TRPM3: variants seen among roughly 807,000 people sequenced by gnomAD.
TRPM3 encodes the protein transient receptor potential cation channel subfamily M member 3.
Under a neutral mutation model 181.2 loss-of-function variants are expected in TRPM3, and 77 were observed. The ratio of observed to expected loss-of-function variants is 0.42; its 90% confidence interval spans 0.35 to 0.51. TRPM3 has a LOEUF of 0.51. Among genes scored for constraint, TRPM3 ranks in the 20% least tolerant of loss-of-function variants. The pLI is 0.01. For synonymous variants in TRPM3, 745 were observed against 796.4 expected, an observed-to-expected ratio of 0.94 and a Z score of 1.09; for missense variants, 1,759 against 2,196.7, an observed-to-expected ratio of 0.80 and a Z score of 3.98.
chr9:70,964,463 G>A (rs2097166931), intron 1 of TRPM3, among the ~76,000 whole-genome samples: 1 of 151,988 alleles, frequency 6.6e-6, no homozygotes, highest in African/African-American at 2.4e-5. Flanking sequence ...TTTTACTTGT[G>A]GTTCCTCATT....
intron 6 of TRPM3, among the ~76,000 whole-genome samples, chr9:70,817,459 A>T (rs1463061459): frequency 1.3e-5 from 2 of 152,202 alleles, no homozygotes; most frequent in East Asian, 3.8e-4. Flanking sequence ...GTAACATATG[A>T]ATAGGAAAAA....
At chr9:71,285,852 C>T (rs1244162247) in intron 1 of TRPM3, among the ~76,000 whole-genome samples, 5 of 152,198 alleles carry the variant, frequency 3.3e-5, no homozygotes, top group South Asian at 2.1e-4. Flanking sequence ...AATCACTCTA[C>T]AGGTGCAAAT....
At chr9:70,797,250 C>A (rs2087351361) in intron 6 of TRPM3, among the ~76,000 whole-genome samples, 1 of 152,118 alleles carries the variant, frequency 6.6e-6, no homozygotes, top group Non-Finnish European at 1.5e-5. Flanking sequence ...GCAAAGTAGA[C>A]AGATGCAATT....
chr9:71,201,606 C>T (rs1261639700), intron 1 of TRPM3, among the ~76,000 whole-genome samples: 22 of 152,114 alleles, frequency 1.4e-4, no homozygotes, highest in African/African-American at 2.2e-4. Context: ...CTTCCCTTCC[C>T]GCTTCATTTC....
At chr9:70,634,575 G>T (rs1416185729) in intron 12 of TRPM3, among the ~76,000 whole-genome samples, 1 of 151,974 alleles carries the variant, frequency 6.6e-6, no homozygotes, top group Non-Finnish European at 1.5e-5. Context: ...TTTAAACCTA[G>T]CTCTTCACTA....
intron 1 of TRPM3, among the ~76,000 whole-genome samples, chr9:71,040,980 C>T (rs2058746495): frequency 6.6e-6 from 1 of 152,106 alleles, no homozygotes; most frequent in Admixed American, 6.6e-5. Flanking sequence ...CGACTGGAGG[C>T]AACATGGGAC....
intron 1 of TRPM3, among the ~76,000 whole-genome samples, chr9:71,027,133 G>A (rs986289262): frequency 3.5e-4 from 54 of 152,128 alleles, no homozygotes; most frequent in Non-Finnish European, 1.3e-4. Flanking sequence ...CTAACCTCAA[G>A]GAGCTAGATA....
intron 1 of TRPM3, among the ~76,000 whole-genome samples, chr9:71,343,454 T>G (rs955676867): frequency 6.6e-6 from 1 of 152,072 alleles, no homozygotes. Flanking sequence ...CTGGGGTTAC[T>G]TTATGTATAT....
At chr9:70,839,116 C>CT (rs2094493776) in intron 5 of TRPM3, among the ~76,000 whole-genome samples, 1 of 152,140 alleles carries the variant, frequency 6.6e-6, no homozygotes, top group African/African-American at 2.4e-5. Flanking sequence ...TGTGATGCAG[C>CT]TTGGGGGTAG....
intron 1 of TRPM3, among the ~76,000 whole-genome samples, chr9:71,015,024 C>T (rs2097773255): frequency 6.6e-6 from 1 of 151,968 alleles, no homozygotes; most frequent in South Asian, 2.1e-4. Flanking sequence ...TTTATAATGG[C>T]CTTATGCACC....
chr9:70,549,691 AAAGG>A lies in TRPM3; in HGVS notation c.3575-21_3575-18del, dbSNP rs746279966. 3.1e-5 allele frequency: 49 copies of A among 1,585,190 alleles called. No homozygotes were observed. The highest frequency in any genetic ancestry group is 5.5e-5 in the Admixed American group (3 of 54,992). On this transcript the variant is annotated intron_variant, in intron 24 of 25. Transcript: ENST00000677713. ...TGAAGAGTTCTGTGGAAAAAAAAAA[AAAGG>A]AAGTCTTGAGGGAGAGAAGTAAAAG...
At chr9:71,072,462 A>G (rs2062890648) in intron 1 of TRPM3, among the ~76,000 whole-genome samples, 2 of 152,160 alleles carry the variant, frequency 1.3e-5, no homozygotes, top group African/African-American at 4.8e-5. Flanking sequence ...AGTAAATACA[A>G]TATTAACTCA....
intron 1 of TRPM3, among the ~76,000 whole-genome samples, chr9:71,348,991 T>C (rs1565486772): frequency 6.6e-6 from 1 of 152,246 alleles, no homozygotes; most frequent in Non-Finnish European, 1.5e-5. Context: ...AGCCAACATG[T>C]GAAATCAAAA....
chr9:71,216,745 A>G (rs1210660730), intron 1 of TRPM3, among the ~76,000 whole-genome samples: 1 of 152,152 alleles, frequency 6.6e-6, no homozygotes, highest in East Asian at 1.9e-4. Flanking sequence ...CTGTATCTTA[A>G]CAGCACTAGG....
At chr9:71,404,865 G>A (rs760804417) in intron 1 of TRPM3, among the ~76,000 whole-genome samples, 3 of 152,100 alleles carry the variant, frequency 2.0e-5, no homozygotes, top group Non-Finnish European at 4.4e-5. Context: ...GTCCCTGCCT[G>A]TTATACTTCT....
At chr9:71,094,969 A>C (rs1199600318) in intron 1 of TRPM3, among the ~76,000 whole-genome samples, 1 of 152,192 alleles carries the variant, frequency 6.6e-6, no homozygotes, top group Non-Finnish European at 1.5e-5. Context: ...TTTTGAAAGC[A>C]CGCATAGCTC....
intron 9 of TRPM3, among the ~76,000 whole-genome samples, chr9:70,645,346 G>T (rs991449141): frequency 1.3e-5 from 2 of 151,534 alleles, no homozygotes; most frequent in African/African-American, 4.8e-5. Flanking sequence ...GCATGGCACT[G>T]GTACCAAAAC....
chr9:70,536,739 T>A lies in TRPM3; in HGVS notation c.4374A>T (p.Ala1458=). ...PSTAPSSSAY[A]TLAPTDRPPS... is the part of the protein sequence containing the mutation. ...GAGGTCTGTCTGTGGGTGCAAGTGT[T>A]GCATAGGCACTACTTGAAGGGGCTG... Residue 1458 remains alanine, a synonymous_variant, in exon 26 of 26, where the codon GCA becomes GCT. Transcript: ENST00000677713. The A allele has an allele frequency of 6.2e-7, 1 of 1,614,188 alleles. No individual in the cohort carries two copies. Among genetic ancestry groups the A allele is most frequent in the Non-Finnish European group, 8.5e-7 (1 of 1,180,034 alleles).
Position 71,155,271 on chromosome 9 carries a change from A to T in TRPM3, c.184-290760T>A, listed in dbSNP as rs758055926. 1.2e-3 allele frequency among the ~76,000 whole-genome samples: 177 copies of T among 152,190 alleles called. 3 individuals carry two copies. The highest frequency in any genetic ancestry group is 7.9e-4 in the Admixed American group (12 of 15,280). On this transcript the variant is annotated intron_variant, in intron 1 of 24. Coordinates refer to the TRPM3 transcript ENST00000357533. ...TCCTAACTTTATCATTAACACATTCATTCAACAGACATTTATTGAATACTT... is the reference window on the plus strand; with the variant it reads ...TCCTAACTTTATCATTAACACATTCTTTCAACAGACATTTATTGAATACTT...
Sources: gnomAD v4.1 joint callset for allele counts (sites outside exome capture counted in the v4.1 genomes callset) on GRCh38, gnomAD v4.1.1 for gene constraint, MANE v1.5 for transcripts, NCBI Gene and HGNC (gene_info 2026-07-23, HGNC 2026-07-21) for gene names.